The following DNAH3 variants were observed in gnomAD, a reference collection of about 807,000 sequenced individuals.
DNAH3 encodes axonemal beta dynein heavy chain 3.
DNAH3 carries 332 observed loss-of-function variants against 432.5 expected under a neutral mutation model. The observed-to-expected ratio is 0.77, with a 90% confidence interval of 0.70 to 0.84. The LOEUF is 0.84. Among genes scored for constraint, DNAH3 ranks in the 40% least tolerant of loss-of-function variants. The pLI is 0.00. For synonymous variants in DNAH3, 1,956 were observed against 1,900.2 expected, an observed-to-expected ratio of 1.03 and a Z score of -0.76; for missense variants, 4,861 against 5,114.0, an observed-to-expected ratio of 0.95 and a Z score of 1.51.
exon 32 of DNAH3, chr16:21,042,148 A>G: frequency 6.2e-7 from 1 of 1,613,096 alleles, no homozygotes; most frequent in South Asian, 1.1e-5. Context: ...TAGCTTCCGA[A>G]TGATGGCTTG....
At chr16:20,983,906 A>G (rs2086040583) in intron 48 of DNAH3, among the ~76,000 whole-genome samples, 2 of 151,878 alleles carry the variant, frequency 1.3e-5, no homozygotes, top group African/African-American at 4.8e-5. Context: ...GTGTGCCTGT[A>G]GTCCCATGTA....
intron 31 of DNAH3, among the ~76,000 whole-genome samples, chr16:21,048,247 G>A (rs1366418516): frequency 1.3e-5 from 2 of 152,252 alleles, no homozygotes; most frequent in Non-Finnish European, 2.9e-5. Context: ...AATCAAGCCT[G>A]GGCAATGGCG....
chr16:21,095,953 A>G (rs2091664743), intron 18 of DNAH3, among the ~76,000 whole-genome samples: 2 of 152,048 alleles, frequency 1.3e-5, no homozygotes, highest in Non-Finnish European at 2.9e-5. Flanking sequence ...TGTTTTTAGT[A>G]GAAATAAGGT....
intron 31 of DNAH3, among the ~76,000 whole-genome samples, chr16:21,044,215 C>G (rs2089587166): frequency 8.4e-6 from 1 of 119,188 alleles, no homozygotes; most frequent in African/African-American, 3.2e-5. Context: ...TGAAGAAAGT[C>G]ATTGGTAGCT....
intron 59 of DNAH3, among the ~76,000 whole-genome samples, chr16:20,938,837 C>G (rs2083695585): frequency 6.6e-6 from 1 of 152,026 alleles, no homozygotes; most frequent in Non-Finnish European, 1.5e-5. Context: ...AGTGCAGTGG[C>G]ACAATCTTGG....
intron 56 of DNAH3, 87 bp downstream of exon 56, chr16:20,952,346 A>G (rs917369969): frequency 7.4e-5 from 60 of 810,422 alleles, no homozygotes; most frequent in Non-Finnish European, 1.2e-4. Context: ...GAGGGAGTAC[A>G]TAAGTGAATG....
intron 49 of DNAH3, among the ~76,000 whole-genome samples, chr16:20,981,279 T>C (rs1360457886): frequency 6.6e-6 from 1 of 152,170 alleles, no homozygotes; most frequent in Non-Finnish European, 1.5e-5. Context: ...TGTTTCCCAT[T>C]CATATTCATC....
At chr16:21,150,558 A>C (rs1044434613) in intron 1 of DNAH3, 24 bp from the exon 2 acceptor site, 1 of 239,412 alleles carries the variant, frequency 4.2e-6, no homozygotes, top group African/African-American at 2.3e-5. Flanking sequence ...AGAGAAAGGG[A>C]AGCTAGAGAT....
intron 58 of DNAH3, among the ~76,000 whole-genome samples, chr16:20,942,500 C>G (rs912578717): frequency 1.3e-5 from 2 of 152,196 alleles, no homozygotes; most frequent in Non-Finnish European, 2.9e-5. Context: ...CGGGATACAC[C>G]AACCAGGCTG....
At chr16:21,028,217 T>A (rs560833819) in intron 37 of DNAH3, among the ~76,000 whole-genome samples, 2,637 of 151,960 alleles carry the variant, frequency 0.017, 72 homozygotes, top group African/African-American at 0.056. Context: ...TTTTTTAAAA[T>A]TTTTTTTGTA....
At chr16:21,119,957 TGGGATTACAGGTGTG>T (rs1314706823) in intron 11 of DNAH3, among the ~76,000 whole-genome samples, 1 of 152,204 alleles carries the variant, frequency 6.6e-6, no homozygotes, top group Non-Finnish European at 1.5e-5. Context: ...ACCAAAGTGC[TGGGATTACAGGTGTG>T]AGCCACTGTG....
intron 11 of DNAH3, chr16:21,120,735 G>C: frequency 6.2e-7 from 1 of 1,605,948 alleles, no homozygotes; most frequent in South Asian, 1.1e-5. Flanking sequence ...TACCGGCCCT[G>C]GTACCTGCCA....
At chr16:21,005,181 C>A (rs2087224385) in intron 41 of DNAH3, among the ~76,000 whole-genome samples, 1 of 150,370 alleles carries the variant, frequency 6.7e-6, no homozygotes, top group South Asian at 2.1e-4. Flanking sequence ...TTTTCTTTTT[C>A]TTTCTCTTTC....
At chr16:21,099,996 G>A (rs994069283) in intron 16 of DNAH3, among the ~76,000 whole-genome samples, 6 of 152,032 alleles carry the variant, frequency 3.9e-5, no homozygotes, top group Non-Finnish European at 7.4e-5. Flanking sequence ...CATAAATTTG[G>A]TTATCCTAAG....
chr16:20,951,318 A>C (rs2084297705), intron 56 of DNAH3, among the ~76,000 whole-genome samples: 1 of 151,488 alleles, frequency 6.6e-6, no homozygotes, highest in African/African-American at 2.4e-5. Flanking sequence ...ACTCACCCCC[A>C]AAACCCATCT....
At chr16:21,009,275 T>A (rs1391318837) in intron 41 of DNAH3, among the ~76,000 whole-genome samples, 1 of 152,166 alleles carries the variant, frequency 6.6e-6, no homozygotes, top group East Asian at 1.9e-4. Context: ...GCATAGAAAA[T>A]GCTTTTAAGA....
chr16:20,960,534 AAATTAGCTGGGCTAATTAACT>A (rs1405404748), intron 53 of DNAH3, among the ~76,000 whole-genome samples: 2 of 152,134 alleles, frequency 1.3e-5, no homozygotes, highest in African/African-American at 4.8e-5. Context: ...AAAAATACAA[AAATTAGCTGGGCTAATTAACT>A]AATTAGCTGG....
At chr16:21,024,310 C>T (rs330134) in intron 39 of DNAH3, among the ~76,000 whole-genome samples, 78,495 of 151,974 alleles carry the variant, frequency 0.52, 20,522 homozygotes, top group African/African-American at 0.61. Context: ...TCAGCTTCCA[C>T]AGAGAACATT....
Position 20,988,216 on chromosome 16 carries a change from CAAATTT to C in DNAH3, c.6602-157_6602-152del, listed in dbSNP as rs1298758885. ...TATGGCAACCTCTAGCCACCTGCAG[CAAATTT>C]AAACTTAAATTAATTAATATTAAAT... On this transcript the variant is annotated intron_variant, in intron 44 of 61. Coordinates refer to ENST00000261383, the Ensembl canonical transcript of DNAH3. The C allele has an allele frequency of 1.7e-5, 13 of 786,774 alleles. No homozygotes were observed. The East Asian group carries it at 3.2e-4, about 19-fold the overall frequency. The allele number at this position is 786,774 out of a possible 1,614,324, so 48.7% of individuals were successfully genotyped here. A position where few individuals can be genotyped will look rare whatever the true frequency, so the allele number is the denominator to read the frequency against.
Sources: allele counts gnomAD v4.1 joint callset (sites outside exome capture counted in the v4.1 genomes callset), GRCh38; gene constraint gnomAD v4.1.1; transcripts MANE v1.5; gene names NCBI Gene and HGNC (gene_info 2026-07-23, HGNC 2026-07-21).